ARMC1: variants seen among roughly 807,000 people sequenced by gnomAD.
The protein encoded by ARMC1 is armadillo repeat-containing protein 1.
ARMC1 carries 16 observed loss-of-function variants against 31.4 expected under a neutral mutation model. That is an observed-to-expected ratio of 0.51 (90% CI 0.34 to 0.77). The LOEUF (loss-of-function observed/expected upper bound fraction) is 0.77. Among genes scored for constraint, ARMC1 ranks in the 30% least tolerant of loss-of-function variants. ARMC1 has a pLI of 0.01. For missense variants in ARMC1, 259 were observed against 347.5 expected (o/e 0.75, Z 2.02); for synonymous variants, 114 against 118.9 (o/e 0.96, Z 0.27).
intron 2 of ARMC1, among the ~76,000 whole-genome samples, chr8:65,622,794 T>C (rs1585716254): frequency 6.7e-6 from 1 of 149,710 alleles, no homozygotes; most frequent in Non-Finnish European, 1.5e-5. Flanking sequence ...GAGGCTGAGG[T>C]GGGCAGATCA....
At chr8:65,614,822 T>G (rs1484242265) in intron 3 of ARMC1, among the ~76,000 whole-genome samples, 3 of 152,216 alleles carry the variant, frequency 2.0e-5, no homozygotes, top group Non-Finnish European at 2.9e-5. Context: ...TTTCCAACTC[T>G]TATTTCAATG....
At chr8:65,609,815 G>C (rs1456828628) in intron 4 of ARMC1, among the ~76,000 whole-genome samples, 2 of 133,784 alleles carry the variant, frequency 1.5e-5, no homozygotes, top group Non-Finnish European at 1.5e-5. Flanking sequence ...CCGAGATCAC[G>C]ACACTGCACT....
chr8:65,627,305 TTC>T lies in ARMC1; in HGVS notation c.92_93del (p.Arg31LysfsTer74). ...LRDLAADPLN[R>X]RAIVQDQGCL... is the part of the protein sequence containing the mutation. ...CATCCCTGATCCTGGACGATGGCTC[TTC>T]TGTTTAACGGATCTGCTGCTAGATC... On this transcript the variant is annotated frameshift_variant, in exon 2 of 7. Coordinates refer to ENST00000276569, the MANE Select transcript of ARMC1 (RefSeq NM_018120.6). LOFTEE classifies it high-confidence loss of function. 1 of 1,613,606 alleles carries T rather than the reference TTC, an allele frequency of 6.2e-7. No individual in the cohort carries two copies. The highest frequency in any genetic ancestry group is 8.5e-7 in the Non-Finnish European group (1 of 1,179,776).
In ARMC1 at chr8:65,621,974, GT is replaced by G. The variant is rs1431651602; in HGVS notation, c.275+288del. ...TTTTTTTGAGATGGAATCTTGTTCT[GT>G]CGCCCAGGCTAGAGCGCAATGGCAC... On this transcript the variant is annotated intron_variant, in intron 3 of 6. Transcript: ENST00000276569. Among the ~76,000 whole-genome samples, 4 of 148,374 alleles carry G rather than the reference GT, an allele frequency of 2.7e-5. No individual in the cohort carries two copies. In the South Asian group the frequency reaches 8.4e-4, roughly 31 times the overall value.
intron 3 of ARMC1, among the ~76,000 whole-genome samples, chr8:65,619,248 G>C (rs1808341050): frequency 6.6e-6 from 1 of 152,020 alleles, no homozygotes; most frequent in Non-Finnish European, 1.5e-5. Context: ...AGAAATTTTA[G>C]AGCAGGCCAG....
chr8:65,618,156 C>T (rs1258153417), intron 3 of ARMC1, among the ~76,000 whole-genome samples: 4 of 152,130 alleles, frequency 2.6e-5, no homozygotes, highest in African/African-American at 4.8e-5. Context: ...CCTCGTGATA[C>T]ACCCGCCTCG....
At chr8:65,631,641 C>T (rs187727589) in intron 1 of ARMC1, among the ~76,000 whole-genome samples, 5 of 152,288 alleles carry the variant, frequency 3.3e-5, no homozygotes, top group South Asian at 4.1e-4. Context: ...AACAGATAAA[C>T]GAAAGTTACA....
chr8:65,617,593 G>A (rs6985897), intron 3 of ARMC1, among the ~76,000 whole-genome samples: 96,493 of 151,482 alleles, frequency 0.64, 30,938 homozygotes, highest in African/African-American at 0.69. Flanking sequence ...CCCCCTCTGC[G>A]AGAAACACCC....
chr8:65,633,504 T>C (rs184837338), intron 1 of ARMC1, among the ~76,000 whole-genome samples: 14 of 152,308 alleles, frequency 9.2e-5, no homozygotes, highest in Non-Finnish European at 1.8e-4. Context: ...GTGTTGGAGG[T>C]ACCTTCTGCA....
intron 3 of ARMC1, among the ~76,000 whole-genome samples, chr8:65,618,154 T>C (rs1457902037): frequency 1.3e-5 from 2 of 152,006 alleles, no homozygotes; most frequent in Non-Finnish European, 2.9e-5. Context: ...GACCTCGTGA[T>C]ACACCCGCCT....
At chr8:65,617,336 T>C (rs1808292647) in intron 3 of ARMC1, among the ~76,000 whole-genome samples, 1 of 152,208 alleles carries the variant, frequency 6.6e-6, no homozygotes. Flanking sequence ...CCTGGTGCTC[T>C]CTGAAACATG....
chr8:65,611,804 C>T (rs1808147582), intron 4 of ARMC1, among the ~76,000 whole-genome samples: 2 of 150,530 alleles, frequency 1.3e-5, no homozygotes, highest in African/African-American at 2.4e-5. Context: ...GACGGAGTCT[C>T]ACTCTGTCAC....
At chr8:65,622,674 T>C (rs1258537189) in intron 2 of ARMC1, among the ~76,000 whole-genome samples, 4 of 151,384 alleles carry the variant, frequency 2.6e-5, no homozygotes, top group Admixed American at 6.6e-5. Context: ...GATTGCGCCA[T>C]TGCACTCCAA....
chr8:65,628,904 A>G (rs1033314498), intron 1 of ARMC1, among the ~76,000 whole-genome samples: 1 of 151,978 alleles, frequency 6.6e-6, no homozygotes, highest in African/African-American at 2.4e-5. Context: ...CTGTAATCCC[A>G]GCACTTTGGG....
chr8:65,609,655 C>T (rs7464223), intron 4 of ARMC1, among the ~76,000 whole-genome samples: 55,596 of 151,732 alleles, frequency 0.37, 10,408 homozygotes, highest in East Asian at 0.47. Flanking sequence ...GTCAGGAGTT[C>T]GAGACCAGCC....
Position 65,623,307 on chromosome 8 carries a change from C to CA in ARMC1, c.184-954dup, listed in dbSNP as rs71245496. 4.4e-4 allele frequency among the ~76,000 whole-genome samples: 17 copies of CA among 38,336 alleles called. 1 individual carries two copies. Among genetic ancestry groups the CA allele is most frequent in the East Asian group, 6.5e-4 (1 of 1,544 alleles). The allele number at this position is 38,336 out of a possible 152,430, so 25.1% of individuals were successfully genotyped here. ...TGGGCGACAGAGCAAGACTCCGTCT[C>CA]AAAAAAAAAAAAAAAAATGCTGGGC... On this transcript the variant is annotated intron_variant, in intron 2 of 6. Transcript: ENST00000276569.
intron 4 of ARMC1, among the ~76,000 whole-genome samples, chr8:65,608,737 G>A (rs1417536208): frequency 2.2e-4 from 33 of 151,276 alleles, no homozygotes; most frequent in African/African-American, 5.1e-4. Flanking sequence ...GTGAAACCCC[G>A]TCTCTATAAA....
At chr8:65,631,378 G>A (rs1808639989) in intron 1 of ARMC1, among the ~76,000 whole-genome samples, 2 of 152,144 alleles carry the variant, frequency 1.3e-5, no homozygotes. Context: ...GGGACTACAG[G>A]TGCCTGCCAC....
chr8:65,615,311 T>C (rs1288822078), intron 3 of ARMC1, among the ~76,000 whole-genome samples: 1 of 151,586 alleles, frequency 6.6e-6, no homozygotes, highest in Non-Finnish European at 1.5e-5. Flanking sequence ...GAAAAGTCAC[T>C]GCAGTTCTCA....
Sources: gnomAD v4.1 joint callset for allele counts (sites outside exome capture counted in the v4.1 genomes callset) on GRCh38, gnomAD v4.1.1 for gene constraint, MANE v1.5 for transcripts, NCBI Gene and HGNC (gene_info 2026-07-23, HGNC 2026-07-21) for gene names.